Variants in COL7A1 observed in about 807,000 individuals in gnomAD.
The protein encoded by COL7A1 is collagen alpha-1(VII) chain.
A neutral mutation model predicts 456.2 loss-of-function variants in COL7A1; 296 were observed. That is an observed-to-expected ratio of 0.65 (90% CI 0.59 to 0.71). COL7A1 has a LOEUF of 0.71. COL7A1 is among the 30% of genes least tolerant of loss of function. The probability of loss-of-function intolerance (pLI) is 0.00; values close to 1 mark genes in which losing one functional copy is unlikely to be tolerated. For synonymous variants in COL7A1, 1,464 were observed against 1,525.9 expected, an observed-to-expected ratio of 0.96 and a Z score of 0.95; for missense variants, 3,441 against 4,017.2, an observed-to-expected ratio of 0.86 and a Z score of 3.88.
rs777964644 is a variant in COL7A1 at position 48,570,966 on chromosome 3, T to C, written c.7167A>G (p.Gly2389=). 1.2e-6 allele frequency: 2 copies of C among 1,613,310 alleles called. No homozygotes were observed. The highest frequency in any genetic ancestry group is 2.7e-5 in the African/African-American group (2 of 74,972). Residue 2389 remains glycine (G), a splice_region_variant and synonymous_variant, in exon 95 of 119, where the codon GGA becomes GGG. Coordinates refer to ENST00000681320, the MANE Select transcript of COL7A1 (RefSeq NM_000094.4). This position sits in a 1 kb window ranked among gnomAD's most constrained non-coding sequence, Gnocchi z 5.5. ...PGPPGPPGVK[G]DLGLPGLPGA... ...CGGGCAGGCCAGGGAGGCCCAGATC[T>C]CCCTGAAATAAAAACAGCAAAGGGA...
chr3:48,572,113 C>T lies in COL7A1; in HGVS notation c.7023+14G>A, dbSNP rs1464187461. The T allele has an allele frequency of 6.2e-7, 1 of 1,613,996 alleles. No homozygotes were observed. Among genetic ancestry groups the T allele is most frequent in the Admixed American group, 1.7e-5 (1 of 60,010 alleles). ...TCTGCTCAGTAGTCAGGCCCCAGGG[C>T]CAACCCACCTCACCTTCTCGCCTCG... On this transcript the variant is annotated intron_variant, in intron 91 of 118. Transcript: ENST00000681320. The surrounding 1 kb of genome is among the most constrained non-coding windows in gnomAD (Gnocchi z 4.6).
At position 48,583,736 on chromosome 3, in the gene COL7A1, A is replaced by AG; in HGVS notation, c.4322dup (p.Gly1442TrpfsTer8). 1.2e-6 allele frequency: 2 copies of AG among 1,613,972 alleles called. No individual in the cohort carries two copies. ...TTCCTACTTTTTCTCCTTTCTTTCC[A>AG]GGGGGGCCAACGGGGCCTTGGGGTC... On this transcript the variant is annotated frameshift_variant, in exon 40 of 119. Coordinates refer to ENST00000681320, the MANE Select transcript of COL7A1 (RefSeq NM_000094.4). LOFTEE classifies it high-confidence loss of function. The surrounding 1 kb of genome is among the most constrained non-coding windows in gnomAD (Gnocchi z 5.1).
In COL7A1 at chr3:48,564,917, C is replaced by T. The variant is rs147911102; in HGVS notation, c.8684G>A (p.Arg2895Gln). ...GGCCTCTGTGCTGCCTGTCACAGCC[C>T]GATGGTACCAGCGCAGGGTGTAGGC... ...CTAYTLRWYHRAVTGSTEACH... is the reference protein window; with the variant it reads ...CTAYTLRWYHQAVTGSTEACH... Residue 2895 changes from arginine (R) to glutamine (Q), a missense_variant, in exon 118 of 119, where the codon CGG becomes CAG. Physicochemically the swap from Arg to Gln is conservative, Grantham distance 43. This residue lies in a region of COL7A1 where 2,084 missense variants were observed against 2,501.3 expected (regional missense o/e 0.83). Coordinates refer to ENST00000681320, the MANE Select transcript of COL7A1 (RefSeq NM_000094.4). The surrounding 1 kb of genome is among the most constrained non-coding windows in gnomAD (Gnocchi z 6.0). 2.5e-5 allele frequency: 40 copies of T among 1,614,074 alleles called. No individual in the cohort carries two copies. Among genetic ancestry groups the T allele is most frequent in the Admixed American group, 3.3e-5 (2 of 60,014 alleles).
At chr3:48,582,755 G>A (rs1018564270) in intron 44 of COL7A1, 102 bp from the exon 45 acceptor site, 31 of 1,345,624 alleles carry the variant, frequency 2.3e-5, no homozygotes, top group Non-Finnish European at 2.9e-5. Flanking sequence ...GGTCAGGGAA[G>A]ATTGGGATTT....
In COL7A1 at chr3:48,568,649, A is replaced by G. The variant is rs2043727579; in HGVS notation, c.7759-115T>C. 1.3e-6 allele frequency: 2 copies of G among 1,484,084 alleles called. No homozygotes were observed. The highest frequency in any genetic ancestry group is 1.8e-6 in the Non-Finnish European group (2 of 1,088,658). The allele number at this position is 1,484,084 out of a possible 1,614,324, so 91.9% of individuals were successfully genotyped here. A position where few individuals can be genotyped will look rare whatever the true frequency, so the allele number is the denominator to read the frequency against. ...CGGCCAGGGCCCAGGCCACACACAG[A>G]TCCCGGGTGAACACACATGGGGCCG... is the stretch of plus-strand genomic sequence containing the variant. On this transcript the variant is annotated intron_variant, in intron 104 of 118. Transcript: ENST00000681320. The surrounding 1 kb of genome is among the most constrained non-coding windows in gnomAD (Gnocchi z 5.2).
At chr3:48,595,243 C>G in intron 1 of COL7A1, 25 bp downstream of exon 1, 1 of 1,176,776 alleles carries the variant, frequency 8.5e-7, no homozygotes, top group Non-Finnish European at 1.2e-6. Flanking sequence ...GCCCAGCGCC[C>G]CTCCAGCCCG....
rs779034671 is a variant in COL7A1 at position 48,590,185 on chromosome 3, G to C, written c.2050+28C>G. On this transcript the variant is annotated intron_variant, in intron 16 of 118. Transcript: ENST00000681320. This position sits in a 1 kb window ranked among gnomAD's most constrained non-coding sequence, Gnocchi z 4.6. ...GGTCTGAAAGAGCAATGGAGGCAGA[G>C]AGCCAAGGGACGGGGGCAGGGCCTG... The C allele has an allele frequency of 2.5e-6, 4 of 1,607,946 alleles. No homozygotes were observed. In the Admixed American group the frequency reaches 5.0e-5, roughly 20 times the overall value.
At position 48,589,180 on chromosome 3, in the gene COL7A1, G is replaced by A. The variant is rs554750685; in HGVS notation, c.2314+147C>T. ...TGTGGGGCCACCAGGAGGTCACCGT[G>A]GGTGGACACTTAATCAGTGTGGGGT... On this transcript the variant is annotated intron_variant, in intron 18 of 118. Transcript: ENST00000681320. The A allele has an allele frequency of 2.8e-6, 4 of 1,446,302 alleles. No individual in the cohort carries two copies. In the African/African-American group the frequency reaches 5.6e-5, roughly 20 times the overall value. The allele number at this position is 1,446,302 out of a possible 1,614,324, so 89.6% of individuals were successfully genotyped here.
At position 48,590,333 on chromosome 3, in the gene COL7A1, G is replaced by A. The variant is rs1384386683; in HGVS notation, c.1930C>T (p.Pro644Ser). ...ATGTCTGTGGCAGTAGAGTCTGGGG[G>A]CAGTGTCTGGCTGGACTCCGGACCT... ...GSGPESSQTL[P>S]PDSTATDITG... Residue 644 changes from proline to serine, a missense_variant, in exon 16 of 119, where the codon CCC becomes TCC. Physicochemically the swap from Pro to Ser is moderately conservative, Grantham distance 74 (BLOSUM62 -1). Coordinates refer to ENST00000681320, the MANE Select transcript of COL7A1 (RefSeq NM_000094.4). This position sits in a 1 kb window ranked among gnomAD's most constrained non-coding sequence, Gnocchi z 4.6. The A allele has an allele frequency of 6.2e-7, 1 of 1,613,948 alleles. No homozygotes were observed. The highest frequency in any genetic ancestry group is 8.5e-7 in the Non-Finnish European group (1 of 1,180,014).
chr3:48,591,617 C>A lies in COL7A1; in HGVS notation c.1508-25G>T. On this transcript the variant is annotated intron_variant, in intron 12 of 118. Coordinates refer to ENST00000681320, the MANE Select transcript of COL7A1 (RefSeq NM_000094.4). This position sits in a 1 kb window ranked among gnomAD's most constrained non-coding sequence, Gnocchi z 7.0. Reference sequence around the variant, plus strand: ...CCTGTTGGAGAGCACAGCATAGAGGCAGCCTGGGGCTCCGACACCTCCCCC... The same window carrying A: ...CCTGTTGGAGAGCACAGCATAGAGGAAGCCTGGGGCTCCGACACCTCCCCC... The A allele has an allele frequency of 6.2e-7, 1 of 1,613,482 alleles. No homozygotes were observed. The highest frequency in any genetic ancestry group is 8.5e-7 in the Non-Finnish European group (1 of 1,179,966).
At position 48,579,182 on chromosome 3, in the gene COL7A1, A is replaced by G; in HGVS notation, c.5388+15T>C. ...TAGGGGAAGGGGACAACCAGGCAGG[A>G]CTACCAAGACTCACATTCGGCCCAG... On this transcript the variant is annotated intron_variant, in intron 62 of 118. Transcript: ENST00000681320. The surrounding 1 kb of genome is among the most constrained non-coding windows in gnomAD (Gnocchi z 4.4). The G allele has an allele frequency of 6.2e-7, 1 of 1,612,672 alleles. No homozygotes were observed. The highest frequency in any genetic ancestry group is 1.1e-5 in the South Asian group (1 of 91,066).
rs1350248810 is a variant in COL7A1, at chr3:48,585,888, G to A, written c.3760-32C>T. 6 of 1,614,000 alleles carry A rather than the reference G, an allele frequency of 3.7e-6. No individual in the cohort carries two copies. The highest frequency in any genetic ancestry group is 1.3e-5 in the African/African-American group (1 of 74,928). On this transcript the variant is annotated intron_variant, in intron 29 of 118. Transcript: ENST00000681320. The surrounding 1 kb of genome is among the most constrained non-coding windows in gnomAD (Gnocchi z 4.5). Reference sequence around the variant, plus strand: ...AAAGACATGTCAGATGTGGGTCAGAGTGGCTAGCCCCAGGTGCAGCCTCTG... The same window carrying A: ...AAAGACATGTCAGATGTGGGTCAGAATGGCTAGCCCCAGGTGCAGCCTCTG...
In COL7A1 at chr3:48,588,897, A is replaced by G. The variant is rs1199252911; in HGVS notation, c.2413T>C (p.Tyr805His). 6.2e-7 allele frequency: 1 copy of G among 1,613,698 alleles called. No individual in the cohort carries two copies. Among genetic ancestry groups the G allele is most frequent in the Admixed American group, 1.7e-5 (1 of 60,026 alleles). Reference sequence around the variant, plus strand: ...TCACTCCGGCCCCAGGCCAGTCTGTAAGCTGTGGCTCCAGTGACCCCTACC... The same window carrying G: ...TCACTCCGGCCCCAGGCCAGTCTGTGAGCTGTGGCTCCAGTGACCCCTACC... ...TWVGVTGATA[Y>H]RLAWGRSEGG... The change falls in exon 19 of 119, where the codon TAC becomes CAC. Residue 805 changes from tyrosine (Y) to histidine (H), a missense_variant. Tyr to His is a moderately conservative substitution (Grantham distance 83). Transcript: ENST00000681320. The surrounding 1 kb of genome is among the most constrained non-coding windows in gnomAD (Gnocchi z 4.6).
rs2043764243 is a variant in COL7A1 at position 48,569,261 on chromosome 3, TC to T, written c.7686+113del. The T allele has an allele frequency of 3.1e-6, 4 of 1,295,402 alleles. No homozygotes were observed. The highest frequency in any genetic ancestry group is 1.7e-5 in the Admixed American group (1 of 58,922). 80.2% of individuals were successfully genotyped at this position (1,295,402 alleles called of 1,614,324 possible). ...CTCCATAGTCAGCCACAGAACCCCT[TC>T]CCCCTAAACCCCAGAAAGCCTCCTC... On this transcript the variant is annotated intron_variant, in intron 103 of 118. Transcript: ENST00000681320. The surrounding 1 kb of genome is among the most constrained non-coding windows in gnomAD (Gnocchi z 4.9).
rs1275941615 is a variant in COL7A1 at position 48,585,884 on chromosome 3, C to T, written c.3760-28G>A. ...GGGGAAAGACATGTCAGATGTGGGT[C>T]AGAGTGGCTAGCCCCAGGTGCAGCC... On this transcript the variant is annotated intron_variant, in intron 29 of 118. Coordinates refer to ENST00000681320, the MANE Select transcript of COL7A1 (RefSeq NM_000094.4). The surrounding 1 kb of genome is among the most constrained non-coding windows in gnomAD (Gnocchi z 4.5). 1.2e-6 allele frequency: 2 copies of T among 1,614,128 alleles called. No homozygotes were observed. Among genetic ancestry groups the T allele is most frequent in the South Asian group, 2.2e-5 (2 of 91,088 alleles).
rs2044146173 is a variant in COL7A1, at chr3:48,574,393, C to T, written c.6457-87G>A. The stretch of plus-strand genomic sequence containing the variant: ...CCCCTAGACAGAGTCAGGACCCAGA[C>T]AGTCCCAGGCAGTACAGACCCCAGC... On this transcript the variant is annotated intron_variant, in intron 79 of 118. Transcript: ENST00000681320. The surrounding 1 kb of genome is among the most constrained non-coding windows in gnomAD (Gnocchi z 5.0). 6.2e-7 allele frequency: 1 copy of T among 1,612,774 alleles called. No individual in the cohort carries two copies.
Position 48,566,145 on chromosome 3 carries a change from T to C in COL7A1, c.8407+122A>G. The C allele has an allele frequency of 9.5e-7, 1 of 1,047,744 alleles. No homozygotes were observed. Among genetic ancestry groups the C allele is most frequent in the Non-Finnish European group, 1.4e-6 (1 of 693,074 alleles). 64.9% of individuals were successfully genotyped at this position (1,047,744 alleles called of 1,614,324 possible). ...TGTCAGTCCTGCAGCACATGTGTCC[T>C]TCTGTGTATCCATCCATCCCCCCAT... On this transcript the variant is annotated intron_variant, in intron 114 of 118. Coordinates refer to ENST00000681320, the MANE Select transcript of COL7A1 (RefSeq NM_000094.4). This position sits in a 1 kb window ranked among gnomAD's most constrained non-coding sequence, Gnocchi z 5.9.
At position 48,576,767 on chromosome 3, in the gene COL7A1, C is replaced by A. The variant is rs756690615; in HGVS notation, c.5609G>T (p.Arg1870Leu). The change falls in exon 68 of 119, where the codon CGT becomes CTT. Residue 1870 changes from arginine to leucine, a missense_variant. Arg to Leu is a moderately radical substitution (Grantham distance 102). Coordinates refer to ENST00000681320, the MANE Select transcript of COL7A1 (RefSeq NM_000094.4). ...TCCACGCTCACCCTTGGGGCCATCA[C>A]GACCCTGTGAAGGATGCAGCCAGCA... ...GDSGASGREG[R>L]DGPKGERGAP... The A allele has an allele frequency of 1.9e-6, 3 of 1,613,478 alleles. No individual in the cohort carries two copies. The highest frequency in any genetic ancestry group is 2.5e-6 in the Non-Finnish European group (3 of 1,179,800).
chr3:48,580,255 G>A lies in COL7A1; in HGVS notation c.5097+45C>T, dbSNP rs779950789. ...GAAGGCACACTGGCAGCAGCGCCAG[G>A]GGACCCTCCATCCCTTCTGAGCCCA... is the stretch of plus-strand genomic sequence containing the variant. On this transcript the variant is annotated intron_variant, in intron 56 of 118. Transcript: ENST00000681320. The surrounding 1 kb of genome is among the most constrained non-coding windows in gnomAD (Gnocchi z 4.5). The A allele has an allele frequency of 3.1e-6, 5 of 1,600,924 alleles. No homozygotes were observed. Among genetic ancestry groups the A allele is most frequent in the East Asian group, 2.3e-5 (1 of 44,398 alleles).
Sources: gnomAD v4.1 joint callset for allele counts on GRCh38, gnomAD v4.1.1 for gene constraint, gnomAD v4.1.1 regional missense constraint, Gnocchi (gnomAD v3.1) non-coding constraint, MANE v1.5 for transcripts, NCBI Gene and HGNC (gene_info 2026-07-23, HGNC 2026-07-21) for gene names.